Variants in COL2A1 observed in about 807,000 individuals in gnomAD.
The protein encoded by COL2A1 is collagen alpha-1(II) chain.
A neutral mutation model predicts 204.5 loss-of-function variants in COL2A1; 28 were observed. The observed-to-expected ratio is 0.14, with a 90% CI of 0.10 to 0.19. The LOEUF (loss-of-function observed/expected upper bound fraction) is 0.19, where lower values mean the gene tolerates loss of function less well. COL2A1 is among the 10% of genes least tolerant of loss of function. COL2A1 has a pLI of 1.00. For synonymous variants in COL2A1, 708 were observed against 718.7 expected, an observed-to-expected ratio of 0.99 and a Z score of 0.24; for missense variants, 1,388 against 2,027.5, an observed-to-expected ratio of 0.68 and a Z score of 6.06.
In COL2A1 at chr12:47,980,186, C is replaced by A; in HGVS notation, c.2626-124G>T. On this transcript the variant is annotated intron_variant, in intron 39 of 53. Coordinates refer to ENST00000380518, the MANE Select transcript of COL2A1 (RefSeq NM_001844.5). The surrounding 1 kb of genome is among the most constrained non-coding windows in gnomAD (Gnocchi z 4.5). The stretch of plus-strand genomic sequence containing the variant: ...TGCAGCTTTCTTGGCACTAAAAACC[C>A]AGCCTGAAGAGGCTGCCACAGGCAG... 1.1e-6 allele frequency: 1 copy of A among 882,818 alleles called. No individual in the cohort carries two copies. The highest frequency in any genetic ancestry group is 1.8e-6 in the Non-Finnish European group (1 of 544,200). The allele number at this position is 882,818 out of a possible 1,614,324, so 54.7% of individuals were successfully genotyped here. A position where few individuals can be genotyped will look rare whatever the true frequency, so the allele number is the denominator to read the frequency against.
In COL2A1 at chr12:47,978,849, C is replaced by T; in HGVS notation, c.2734-91G>A. On this transcript the variant is annotated intron_variant, in intron 41 of 53. Transcript: ENST00000380518. The surrounding 1 kb of genome is among the most constrained non-coding windows in gnomAD (Gnocchi z 5.5). ...ACTGTGGCCTCAGTGACAGCAGTTT[C>T]CTCTCTGGGGGCTTCTCTACCTCCC... 1 of 1,393,364 alleles carries T rather than the reference C, an allele frequency of 7.2e-7. No individual in the cohort carries two copies. Among genetic ancestry groups the T allele is most frequent in the Non-Finnish European group, 1.0e-6 (1 of 991,060 alleles). The allele number at this position is 1,393,364 out of a possible 1,614,324, so 86.3% of individuals were successfully genotyped here. A position where few individuals can be genotyped will look rare whatever the true frequency, so the allele number is the denominator to read the frequency against.
chr12:47,994,349 G>A, intron 12 of COL2A1, 75 bp downstream of exon 12: 1 of 1,495,248 alleles, frequency 6.7e-7, no homozygotes. Flanking sequence ...TCATTGAACT[G>A]GATGCACTGT....
rs1940380445 is a variant in COL2A1, at chr12:48,004,397, G to T, written c.-76C>A. The T allele has an allele frequency of 2.3e-6, 2 of 853,210 alleles. No homozygotes were observed. The highest frequency in any genetic ancestry group is 1.7e-5 in the African/African-American group (1 of 59,392). 52.9% of individuals were successfully genotyped at this position (853,210 alleles called of 1,614,324 possible). A position where few individuals can be genotyped will look rare whatever the true frequency, so the allele number is the denominator to read the frequency against. On this transcript the variant is annotated 5_prime_UTR_variant, in exon 1 of 54. Transcript: ENST00000380518. The stretch of plus-strand genomic sequence containing the variant: ...CGGCAGGAGCACGGCGCGGGTCCGG[G>T]TCTCTACCGCGCCCTCATGCAGGAG...
chr12:47,981,642 C>T, intron 36 of COL2A1, 134 bp downstream of exon 36: 2 of 1,123,184 alleles, frequency 1.8e-6, no homozygotes, highest in Non-Finnish European at 2.6e-6. Flanking sequence ...TGAGAGGGCC[C>T]CCTCTTCACT....
intron 1 of COL2A1, chr12:48,000,886 C>A (rs1006278114): frequency 1.3e-5 from 2 of 152,326 alleles, no homozygotes; most frequent in Non-Finnish European, 2.9e-5. Context: ...GGAGCCAAAG[C>A]GCCCCCAGTG....
intron 35 of COL2A1, 26 bp downstream of exon 35, chr12:47,982,081 C>A (rs1209092461): frequency 6.2e-7 from 1 of 1,611,328 alleles, no homozygotes; most frequent in African/African-American, 1.3e-5. Context: ...TAATGCCCAG[C>A]AGTCCAGCAG....
In COL2A1 at chr12:47,978,274, G is replaced by C; in HGVS notation, c.3003+17C>G. 3 of 1,613,114 alleles carry C rather than the reference G, an allele frequency of 1.9e-6. No individual in the cohort carries two copies. The highest frequency in any genetic ancestry group is 1.7e-6 in the Non-Finnish European group (2 of 1,179,432). ...CAGGGCCCAGCTTGGATGGAGGGAGGGATACCCCACACTCACCGACGGGCC... is the reference window on the plus strand; with the variant it reads ...CAGGGCCCAGCTTGGATGGAGGGAGCGATACCCCACACTCACCGACGGGCC... On this transcript the variant is annotated intron_variant, in intron 43 of 53. Transcript: ENST00000380518. This position sits in a 1 kb window ranked among gnomAD's most constrained non-coding sequence, Gnocchi z 5.5.
In COL2A1 at chr12:47,974,213, G is replaced by A. The variant is rs774218205; in HGVS notation, c.4193C>T (p.Ala1398Val). The change falls in exon 53 of 54, where the codon GCC (alanine) becomes GTC (valine). Residue 1398 changes from alanine (A) to valine (V), a missense_variant. Ala to Val is a moderately conservative substitution (Grantham distance 64). Transcript: ENST00000380518. ...GTTGCCAGCTGCTTCGTCCAGATAGGCAATGCTGTTCTTGCAGTGGTAGGT... is the reference window on the plus strand; with the variant it reads ...GTTGCCAGCTGCTTCGTCCAGATAGACAATGCTGTTCTTGCAGTGGTAGGT... ...NITYHCKNSI[A>V]YLDEAAGNLK... 1 of 1,614,136 alleles carries A rather than the reference G, an allele frequency of 6.2e-7. No homozygotes were observed.
At chr12:47,973,828 A>G (rs754268380) in intron 53 of COL2A1, among the ~76,000 whole-genome samples, 1 of 152,010 alleles carries the variant, frequency 6.6e-6, no homozygotes, top group African/African-American at 2.4e-5. Context: ...TTCACCCTGT[A>G]CACATTGCGA....
chr12:47,993,521 A>G lies in COL2A1; in HGVS notation c.925-19T>C, dbSNP rs371338228. The G allele has an allele frequency of 2.5e-6, 4 of 1,612,140 alleles. No individual in the cohort carries two copies. The African/African-American group carries it at 5.3e-5, about 22-fold the overall frequency. ...TCTCACCCTGGAAAAATGATGCACA[A>G]GGTCAGTGTCTGGGACCCCATTCTT... On this transcript the variant is annotated intron_variant, in intron 14 of 53. Coordinates refer to ENST00000380518, the MANE Select transcript of COL2A1 (RefSeq NM_001844.5).
Position 47,982,531 on chromosome 12 carries a change from C to A in COL2A1, c.2272G>T (p.Ala758Ser). 1 of 1,613,956 alleles carries A rather than the reference C, an allele frequency of 6.2e-7. No homozygotes were observed. The highest frequency in any genetic ancestry group is 8.5e-7 in the Non-Finnish European group (1 of 1,179,974). Reference protein sequence around the residue: ...LQGMPGERGAAGIAGPKGDRG... With the variant: ...LQGMPGERGASGIAGPKGDRG... ...TCGCCTTTGGGCCCAGCGATACCAG[C>A]TGCTCCCCTCTCGCCAGGCATTCCC... Residue 758 changes from alanine (A) to serine (S), a missense_variant, in exon 34 of 54, where the codon GCT (alanine) becomes TCT (serine). Physicochemically the swap from Ala to Ser is moderately conservative, Grantham distance 99. Around this residue, in one of 3 missense-constraint regions of COL2A1, gnomAD observed 884 missense variants for 1,415.8 expected, o/e 0.62. Transcript: ENST00000380518.
chr12:47,988,852 C>T (rs570123460), intron 18 of COL2A1, among the ~76,000 whole-genome samples: 1 of 152,382 alleles, frequency 6.6e-6, no homozygotes, highest in East Asian at 1.9e-4. Flanking sequence ...CAGTTCCCTC[C>T]AGTGCCCGTC....
At position 47,981,355 on chromosome 12, in the gene COL2A1, A is replaced by G. The variant is rs1436214253; in HGVS notation, c.2451T>C (p.Ala817=). 3 of 1,613,036 alleles carry G rather than the reference A, an allele frequency of 1.9e-6. No homozygotes were observed. Among genetic ancestry groups the G allele is most frequent in the Non-Finnish European group, 2.5e-6 (3 of 1,179,882 alleles). The change falls in exon 37 of 54, where the codon GCT becomes GCC. Residue 817 remains alanine, a synonymous_variant. Coordinates refer to ENST00000380518, the MANE Select transcript of COL2A1 (RefSeq NM_001844.5). The stretch of plus-strand genomic sequence containing the variant: ...GGCAGACACTCACCGGAGCGCCACG[A>G]GCACCAGCACTTCCTGCAGGACCAG... The part of the protein sequence containing the change: ...GPPGPAGSAG[A]RGAPGERGET...
At chr12:48,000,277 A>C in intron 1 of COL2A1, 152 bp from the exon 2 acceptor site, 1 of 652,500 alleles carries the variant, frequency 1.5e-6, no homozygotes, top group Non-Finnish European at 2.8e-6. Flanking sequence ...GAACTTAAAA[A>C]TTATTTTCCT....
Position 47,974,807 on chromosome 12 carries a change from G to A in COL2A1, c.3942C>T (p.Phe1314=). ...QGCTLDAMKV[F]CNMETGETCV... ...AAGTCTCGCCAGTCTCCATGTTGCA[G>A]AAAACCTTCATGGCGTCCAAGGTGC... Residue 1314 remains phenylalanine, a synonymous_variant, in exon 52 of 54, where the codon TTC becomes TTT. Coordinates refer to ENST00000380518, the MANE Select transcript of COL2A1 (RefSeq NM_001844.5). 1 of 1,614,254 alleles carries A rather than the reference G, an allele frequency of 6.2e-7. No homozygotes were observed. The highest frequency in any genetic ancestry group is 8.5e-7 in the Non-Finnish European group (1 of 1,180,050).
chr12:47,982,922 G>T lies in COL2A1; in HGVS notation c.2119C>A (p.Arg707Ser). ...AGGCCCTGGGCACCGGGAGAGCCAC[G>T]TTCACCTGGGAAACCTCGTTCACCC... ...PRGERGFPGE[R>S]GSPGAQGLQG... Residue 707 changes from arginine to serine, a missense_variant, in exon 33 of 54, where the codon CGT (arginine) becomes AGT (serine). By Grantham distance (110) the Arg-to-Ser change is moderately radical. Coordinates refer to ENST00000380518, the MANE Select transcript of COL2A1 (RefSeq NM_001844.5). 6.2e-7 allele frequency: 1 copy of T among 1,613,512 alleles called. No individual in the cohort carries two copies. The highest frequency in any genetic ancestry group is 8.5e-7 in the Non-Finnish European group (1 of 1,179,926).
At chr12:47,986,093 C>T (rs1372745984) in intron 23 of COL2A1, 128 bp from the exon 24 acceptor site, 3 of 950,870 alleles carry the variant, frequency 3.2e-6, no homozygotes, top group Non-Finnish European at 5.0e-6. Context: ...CTGCAGGATT[C>T]TCAGAGGTTA....
chr12:47,999,806 C>G (rs1940146756), intron 2 of COL2A1, 113 bp downstream of exon 2: 1 of 901,794 alleles, frequency 1.1e-6, no homozygotes. Context: ...CTACCAGGTC[C>G]CATGGATAAC....
intron 37 of COL2A1, 139 bp downstream of exon 37, chr12:47,981,204 A>G: frequency 1.0e-6 from 1 of 994,244 alleles, no homozygotes; most frequent in Non-Finnish European, 1.6e-6. Flanking sequence ...CTCCCACCCT[A>G]GACCCAGCGG....
Sources: allele counts gnomAD v4.1 joint callset (sites outside exome capture counted in the v4.1 genomes callset), GRCh38; gene constraint gnomAD v4.1.1; regional missense constraint gnomAD v4.1.1; non-coding constraint Gnocchi (gnomAD v3.1); transcripts MANE v1.5; gene names NCBI Gene and HGNC (gene_info 2026-07-23, HGNC 2026-07-21).